The following MBNL3 variants were observed in gnomAD, a reference collection of about 807,000 sequenced individuals.
The protein encoded by MBNL3 is muscleblind-like protein 3.
MBNL3 carries 6 observed loss-of-function variants against 24.5 expected under a neutral mutation model. The ratio of observed to expected loss-of-function variants is 0.25; its 90% confidence interval spans 0.13 to 0.48. The LOEUF (loss-of-function observed/expected upper bound fraction) is 0.48. MBNL3 is among the 20% of genes least tolerant of loss of function. The probability of loss-of-function intolerance (pLI) is 0.99; values close to 1 mark genes in which losing one functional copy is unlikely to be tolerated. For synonymous variants in MBNL3, 100 were observed against 101.7 expected, an observed-to-expected ratio of 0.98 and a Z score of 0.10; for missense variants, 230 against 293.5, an observed-to-expected ratio of 0.78 and a Z score of 1.58.
intron 3 of MBNL3, among the ~76,000 whole-genome samples, chrX:132,393,328 A>G (rs970490491): frequency 9.1e-6 from 1 of 110,004 alleles, no homozygotes; most frequent in Admixed American, 9.7e-5. Context: ...GCAGGAAGAG[A>G]TAAGATAACA....
At chrX:132,485,270 GTGTT>G (rs1336355447) in intron 1 of MBNL3, among the ~76,000 whole-genome samples, 4 of 111,505 alleles carry the variant, frequency 3.6e-5, no homozygotes, top group African/African-American at 1.3e-4. Context: ...ATGTACGTGT[GTGTT>G]TGTGTGCCCA....
chrX:132,466,133 CTTTT>C (rs1327141915), intron 1 of MBNL3, among the ~76,000 whole-genome samples: 2 of 112,314 alleles, frequency 1.8e-5, no homozygotes, highest in Middle Eastern at 4.6e-3. Context: ...ATATTTGTCT[CTTTT>C]AATCAATCTT....
intron 2 of MBNL3, among the ~76,000 whole-genome samples, chrX:132,435,693 T>C (rs1049505253): frequency 9.0e-6 from 1 of 111,713 alleles, no homozygotes. Context: ...AGACATGGCA[T>C]GTGACTGTTT....
chrX:132,416,668 T>A (rs1057182488), intron 2 of MBNL3, among the ~76,000 whole-genome samples: 6 of 112,086 alleles, frequency 5.4e-5, no homozygotes, highest in Non-Finnish European at 1.1e-4. Context: ...CATTACACAT[T>A]GTATGCCTGT....
In MBNL3 at chrX:132,379,401, A is replaced by C. The variant is rs1206299523; in HGVS notation, c.*265T>G. ...CAAAGAGTAATGTAACAAGTTACCA[A>C]ATTTTATGGTCATGTTCTGCTTGAT... On this transcript the variant is annotated 3_prime_UTR_variant, in exon 9 of 9. Coordinates refer to ENST00000370853, the MANE Select transcript of MBNL3 (RefSeq NM_001386889.1). 3 of 287,110 alleles carry C rather than the reference A, an allele frequency of 1.0e-5. No homozygotes were observed. The highest frequency in any genetic ancestry group is 1.9e-5 in the Non-Finnish European group (3 of 160,151). 23.7% of individuals were successfully genotyped at this position (287,110 alleles called of 1,213,427 possible). A position where few individuals can be genotyped will look rare whatever the true frequency, so the allele number is the denominator to read the frequency against.
intron 2 of MBNL3, among the ~76,000 whole-genome samples, chrX:132,423,167 A>G (rs781416257): frequency 2.3e-4 from 26 of 111,721 alleles, no homozygotes; most frequent in Non-Finnish European, 3.8e-4. Flanking sequence ...CTCAAAATCT[A>G]TTCTACTACT....
intron 3 of MBNL3, among the ~76,000 whole-genome samples, chrX:132,393,590 A>G (rs924716751): frequency 4.0e-4 from 45 of 111,194 alleles, no homozygotes; most frequent in African/African-American, 1.3e-3. Flanking sequence ...ATAGTACCCA[A>G]CACTTAGTGA....
At chrX:132,396,394 CTA>C (rs1391878436) in intron 3 of MBNL3, among the ~76,000 whole-genome samples, 2 of 75,396 alleles carry the variant, frequency 2.7e-5, no homozygotes, top group Admixed American at 1.7e-4. Flanking sequence ...ATATATATTC[CTA>C]TATATATTCA....
intron 2 of MBNL3, among the ~76,000 whole-genome samples, chrX:132,438,381 T>G (rs1372690488): frequency 1.8e-5 from 2 of 111,471 alleles, no homozygotes; most frequent in African/African-American, 6.5e-5. Flanking sequence ...AGAAAATGTT[T>G]CCTGAGGAAA....
Position 132,439,534 on chromosome X carries a change from T to C in MBNL3, c.78A>G (p.Gly26=), listed in dbSNP as rs1477303469. The C allele has an allele frequency of 4.1e-6, 5 of 1,209,740 alleles. No homozygotes were observed. The African/African-American group carries it at 8.7e-5, about 21-fold the overall frequency. Residue 26 remains glycine, a synonymous_variant, in exon 2 of 9, where the codon GGA becomes GGG. Coordinates refer to ENST00000370853, the MANE Select transcript of MBNL3 (RefSeq NM_001386889.1). ...AATCTGCATCAGCTCGAGAGCAAGT[T>C]CCTCTCTGAAATTCTCTACAGACTT... ...TLEVCREFQR[G]TCSRADADCK... is the part of the protein sequence containing the mutation.
At chrX:132,475,403 A>C (rs140067075) in intron 1 of MBNL3, among the ~76,000 whole-genome samples, 13 of 112,225 alleles carry the variant, frequency 1.2e-4, no homozygotes, top group African/African-American at 3.6e-4. Flanking sequence ...CCAAATGATG[A>C]AGCAAGACAG....
chrX:132,423,957 T>C (rs1944062026), intron 2 of MBNL3, among the ~76,000 whole-genome samples: 1 of 112,164 alleles, frequency 8.9e-6, no homozygotes, highest in Non-Finnish European at 1.9e-5. Context: ...AATTACATTC[T>C]TCCCAAAAGG....
chrX:132,424,201 G>C (rs971125226), intron 2 of MBNL3, among the ~76,000 whole-genome samples: 3 of 111,994 alleles, frequency 2.7e-5, no homozygotes, highest in Admixed American at 9.5e-5. Context: ...ATAAAAGAAG[G>C]CATACTGTTT....
intron 1 of MBNL3, among the ~76,000 whole-genome samples, chrX:132,473,513 T>TA (rs1569461106): frequency 8.9e-6 from 1 of 112,041 alleles, no homozygotes; most frequent in African/African-American, 3.2e-5. Flanking sequence ...TTCCTATTGA[T>TA]AGAGTATTCT....
chrX:132,408,326 C>T (rs751769040), intron 2 of MBNL3, among the ~76,000 whole-genome samples: 2 of 107,248 alleles, frequency 1.9e-5, no homozygotes, highest in Non-Finnish European at 3.8e-5. Context: ...AATTATGCAG[C>T]TCAGCAGCAT....
At chrX:132,459,944 A>C (rs755715565) in intron 1 of MBNL3, among the ~76,000 whole-genome samples, 19 of 111,760 alleles carry the variant, frequency 1.7e-4, no homozygotes, top group African/African-American at 5.8e-4. Context: ...TGAGCCAATT[A>C]TAGTATTTAT....
At chrX:132,415,896 AC>A (rs1943244570) in intron 2 of MBNL3, among the ~76,000 whole-genome samples, 1 of 111,635 alleles carries the variant, frequency 9.0e-6, no homozygotes, top group East Asian at 2.8e-4. Flanking sequence ...TTCTATTGAA[AC>A]CTTTGTGCTA....
At chrX:132,386,392 A>G (rs1229663699) in intron 6 of MBNL3, among the ~76,000 whole-genome samples, 1 of 112,097 alleles carries the variant, frequency 8.9e-6, no homozygotes, top group Non-Finnish European at 1.9e-5. Context: ...GACTGAACCA[A>G]GTGAATTAAT....
rs953998763 is a variant in MBNL3, at chrX:132,412,645, C to T, written c.178-6253G>A. On this transcript the variant is annotated intron_variant, in intron 2 of 8. Transcript: ENST00000370853. ...GAACAGCAAATAACACTAAAAATCCCAGAAGTTGTTCACAGTGAAAGCAAG... is the reference window on the plus strand; with the variant it reads ...GAACAGCAAATAACACTAAAAATCCTAGAAGTTGTTCACAGTGAAAGCAAG... 2.7e-5 allele frequency among the ~76,000 whole-genome samples: 3 copies of T among 112,351 alleles called. No individual in the cohort carries two copies. The Admixed American group carries it at 2.8e-4, about 11-fold the overall frequency.
Sources: allele counts gnomAD v4.1 joint callset (sites outside exome capture counted in the v4.1 genomes callset), GRCh38; gene constraint gnomAD v4.1.1; transcripts MANE v1.5; gene names NCBI Gene and HGNC (gene_info 2026-07-23, HGNC 2026-07-21).